The following PCCA variants were observed in gnomAD, a reference collection of about 807,000 sequenced individuals.
The protein encoded by PCCA is propionyl-CoA carboxylase subunit alpha.
PCCA carries 74 observed loss-of-function variants against 101.3 expected under a neutral mutation model. The ratio of observed to expected loss-of-function variants is 0.73; its 90% CI spans 0.61 to 0.89. The LOEUF (loss-of-function observed/expected upper bound fraction) is 0.89, where lower values mean the gene tolerates loss of function less well. Ranked by LOEUF, PCCA falls within the 40% of genes least tolerant of loss-of-function variation. The pLI, the probability that PCCA is intolerant of heterozygous loss-of-function variation, is 0.00. For missense variants in PCCA, 891 were observed against 907.0 expected, an observed-to-expected ratio of 0.98 and a Z score of 0.23; for synonymous variants, 294 against 313.6, an observed-to-expected ratio of 0.94 and a Z score of 0.66.
In PCCA at chr13:100,394,117, C is replaced by T. The variant is rs1206128468; in HGVS notation, c.1746+25543C>T. 6.6e-6 allele frequency among the ~76,000 whole-genome samples: 1 copy of T among 152,170 alleles called. No individual in the cohort carries two copies. The highest frequency in any genetic ancestry group is 2.4e-5 in the African/African-American group (1 of 41,474). ...TAGCAAAAGGCAGAGGAGTGCTTTC[C>T]TTTGAAATGTGTGAGGCGGTTTGAG... On this transcript the variant is annotated intron_variant, in intron 19 of 23. Coordinates refer to ENST00000376285, the MANE Select transcript of PCCA (RefSeq NM_000282.4). The surrounding 1 kb of genome is among the most constrained non-coding windows in gnomAD (Gnocchi z 4.3).
intron 21 of PCCA, among the ~76,000 whole-genome samples, chr13:100,462,780 G>C (rs2082258096): frequency 6.6e-6 from 1 of 152,138 alleles, no homozygotes; most frequent in African/African-American, 2.4e-5. Context: ...CTGAATTCTG[G>C]CAATTCAAAG....
At chr13:100,458,509 C>T (rs1595990488) in intron 21 of PCCA, among the ~76,000 whole-genome samples, 2 of 151,096 alleles carry the variant, frequency 1.3e-5, no homozygotes, top group South Asian at 4.2e-4. Flanking sequence ...GTGACGCCCA[C>T]CTATAGACCC....
chr13:100,281,886 G>C (rs2064150596), intron 12 of PCCA, among the ~76,000 whole-genome samples: 1 of 152,056 alleles, frequency 6.6e-6, no homozygotes, highest in Non-Finnish European at 1.5e-5. Flanking sequence ...TATCCACTTT[G>C]CACGTGCAGA....
intron 18 of PCCA, among the ~76,000 whole-genome samples, chr13:100,348,437 A>G (rs2072607078): frequency 6.6e-6 from 1 of 152,200 alleles, no homozygotes; most frequent in Non-Finnish European, 1.5e-5. Flanking sequence ...CTGACTTACC[A>G]TGAAGGCTTC....
intron 20 of PCCA, among the ~76,000 whole-genome samples, chr13:100,427,263 A>C (rs774026278): frequency 2.0e-5 from 3 of 152,328 alleles, no homozygotes; most frequent in Non-Finnish European, 4.4e-5. Context: ...TGGTTTTGTT[A>C]TACTGGTTTA....
intron 7 of PCCA, among the ~76,000 whole-genome samples, chr13:100,221,085 G>A (rs1201008619): frequency 1.3e-5 from 2 of 152,218 alleles, no homozygotes; most frequent in Non-Finnish European, 2.9e-5. Context: ...TCTAGAGTCA[G>A]CATGAAAATG....
intron 19 of PCCA, among the ~76,000 whole-genome samples, chr13:100,398,784 C>A (rs2077179291): frequency 2.6e-5 from 4 of 152,070 alleles, no homozygotes; most frequent in Non-Finnish European, 1.5e-5. Context: ...ATTTTTATTT[C>A]TCTTTAGTAA....
intron 17 of PCCA, among the ~76,000 whole-genome samples, chr13:100,331,228 A>G (rs2069516129): frequency 6.6e-6 from 1 of 152,204 alleles, no homozygotes; most frequent in South Asian, 2.1e-4. Flanking sequence ...TTGCTCATCA[A>G]ATGGGAGATA....
intron 7 of PCCA, among the ~76,000 whole-genome samples, chr13:100,217,058 G>A (rs993247430): frequency 2.6e-5 from 4 of 152,008 alleles, no homozygotes; most frequent in African/African-American, 7.2e-5. Context: ...GCAGTGAGCC[G>A]AGATCACGCC....
At chr13:100,337,810 G>A (rs933846025) in intron 17 of PCCA, among the ~76,000 whole-genome samples, 49 of 152,178 alleles carry the variant, frequency 3.2e-4, no homozygotes, top group African/African-American at 1.0e-3. Context: ...CGGTGCATAT[G>A]TGTCTAAAGA....
At chr13:100,490,748 A>G (rs1025033144) in intron 21 of PCCA, 3 of 152,242 alleles carry the variant, frequency 2.0e-5, no homozygotes, top group African/African-American at 7.2e-5. Flanking sequence ...GCCACAGGCA[A>G]GCGCTGTCAA....
intron 16 of PCCA, among the ~76,000 whole-genome samples, chr13:100,312,885 G>A (rs1362000786): frequency 1.3e-5 from 2 of 152,134 alleles, no homozygotes; most frequent in African/African-American, 4.8e-5. Flanking sequence ...ACAGAGAAAG[G>A]TGTGGACATC....
At chr13:100,126,524 T>A (rs2049968589) in intron 4 of PCCA, among the ~76,000 whole-genome samples, 1 of 152,018 alleles carries the variant, frequency 6.6e-6, no homozygotes, top group Admixed American at 6.5e-5. Context: ...AATGCTTGAA[T>A]TTAAATTGGG....
At chr13:100,333,616 A>G (rs2069973808) in intron 17 of PCCA, among the ~76,000 whole-genome samples, 1 of 152,228 alleles carries the variant, frequency 6.6e-6, no homozygotes. Context: ...TGAAAAATAA[A>G]TGGAACATGA....
Position 100,133,869 on chromosome 13 carries a change from C to T in PCCA, c.301-21110C>T, listed in dbSNP as rs538673048. Among the ~76,000 whole-genome samples, 36 of 152,214 alleles carry T rather than the reference C, an allele frequency of 2.4e-4. No homozygotes were observed. In the South Asian group the frequency reaches 3.9e-3, roughly 17 times the overall value. On this transcript the variant is annotated intron_variant, in intron 4 of 23. Transcript: ENST00000376285. ...GAAGGACTTGACTTGCTGAGTCTTCCGGCCTTCATCTTTCTCTTGTGCTGC... is the reference window on the plus strand; with the variant it reads ...GAAGGACTTGACTTGCTGAGTCTTCTGGCCTTCATCTTTCTCTTGTGCTGC...
intron 19 of PCCA, among the ~76,000 whole-genome samples, chr13:100,398,566 AGG>A (rs2077168229): frequency 6.6e-6 from 1 of 152,208 alleles, no homozygotes; most frequent in Admixed American, 6.5e-5. Flanking sequence ...TGGGTGGAAA[AGG>A]GAAAAAAATC....
At chr13:100,462,811 C>A (rs2082259941) in intron 21 of PCCA, among the ~76,000 whole-genome samples, 1 of 152,172 alleles carries the variant, frequency 6.6e-6, no homozygotes, top group Admixed American at 6.5e-5. Flanking sequence ...TCCCTGCAGT[C>A]ATTGGGCCCA....
intron 12 of PCCA, among the ~76,000 whole-genome samples, chr13:100,298,724 TTCCTTCC>T (rs1566891405): frequency 9.8e-5 from 10 of 101,828 alleles, no homozygotes; most frequent in Non-Finnish European, 1.4e-4. Context: ...CCTTCCTTCC[TTCCTTCC>T]TTCCTTCCTT....
chr13:100,195,486 C>A (rs1594666606), intron 6 of PCCA, among the ~76,000 whole-genome samples: 1 of 152,078 alleles, frequency 6.6e-6, no homozygotes, highest in Non-Finnish European at 1.5e-5. Flanking sequence ...GCTAGCATTT[C>A]CTTAAAGGAG....
Sources: gnomAD v4.1 joint callset for allele counts (sites outside exome capture counted in the v4.1 genomes callset) on GRCh38, gnomAD v4.1.1 for gene constraint, Gnocchi (gnomAD v3.1) non-coding constraint, MANE v1.5 for transcripts, NCBI Gene and HGNC (gene_info 2026-07-23, HGNC 2026-07-21) for gene names.